ZSWIM5: variants seen among roughly 807,000 people sequenced by gnomAD.
ZSWIM5 encodes the protein zinc finger SWIM-type containing 5, also known as zinc finger SWIM domain-containing protein 5.
ZSWIM5 carries 55 observed loss-of-function variants against 119.6 expected under a neutral mutation model. The observed-to-expected ratio is 0.46, with a 90% CI of 0.37 to 0.58. ZSWIM5 has a LOEUF of 0.58. ZSWIM5 is among the 20% of genes least tolerant of loss of function. ZSWIM5 has a pLI of 0.00. For synonymous variants in ZSWIM5, 537 were observed against 606.9 expected, an observed-to-expected ratio of 0.88 and a Z score of 1.69; for missense variants, 1,193 against 1,512.8, an observed-to-expected ratio of 0.79 and a Z score of 3.51.
chr1:45,121,603 T>C (rs1313909411), intron 1 of ZSWIM5, among the ~76,000 whole-genome samples: 2 of 118,224 alleles, frequency 1.7e-5, no homozygotes, highest in Non-Finnish European at 3.5e-5. Flanking sequence ...TTTCTTCTTC[T>C]TTTTTTTTTT....
At chr1:45,205,055 GTGACCAGCTTTTGATTTACCCCAGTC>G (rs1017768167) in intron 1 of ZSWIM5, among the ~76,000 whole-genome samples, 3 of 151,354 alleles carry the variant, frequency 2.0e-5, no homozygotes, top group Non-Finnish European at 4.4e-5. Context: ...AAAACCCAGC[GTGACCAGCTTTTGATTTACCCCAGTC>G]TGACAAGGAA....
At position 45,174,263 on chromosome 1, in the gene ZSWIM5, G is replaced by A. The variant is rs763908277; in HGVS notation, c.595+31493C>T. 5.2e-4 allele frequency among the ~76,000 whole-genome samples: 79 copies of A among 151,912 alleles called. 1 individual carries two copies. Among genetic ancestry groups the A allele is most frequent in the Non-Finnish European group, 8.5e-4 (58 of 67,974 alleles). ...CATTCCAGCCTGGGTGAGAAAGCGA[G>A]ACCTTGTCTCAAAAAAACAAAACAA... On this transcript the variant is annotated intron_variant, in intron 1 of 13. Coordinates refer to ENST00000359600, the MANE Select transcript of ZSWIM5 (RefSeq NM_020883.2).
chr1:45,049,819 C>T (rs1286536165), intron 5 of ZSWIM5, among the ~76,000 whole-genome samples: 3 of 151,866 alleles, frequency 2.0e-5, no homozygotes, highest in Non-Finnish European at 2.9e-5. Context: ...TGTTTGTATG[C>T]ATTTGACCCT....
rs569991600 is a variant in ZSWIM5 at position 45,019,887 on chromosome 1, T to G, written c.2695+179A>C. The stretch of plus-strand genomic sequence containing the variant: ...TGGTTCAAGCAGTGAAGACAGGGCT[T>G]GGGCTGGCTGAACAGAGGCCACCTT... On this transcript the variant is annotated intron_variant, in intron 13 of 13. Coordinates refer to ENST00000359600, the MANE Select transcript of ZSWIM5 (RefSeq NM_020883.2). This position sits in a 1 kb window ranked among gnomAD's most constrained non-coding sequence, Gnocchi z 5.0. Among the ~76,000 whole-genome samples, 3 of 152,296 alleles carry G rather than the reference T, an allele frequency of 2.0e-5. No homozygotes were observed. The highest frequency in any genetic ancestry group is 2.0e-4 in the Admixed American group (3 of 15,302).
At chr1:45,182,500 A>G (rs1173846607) in intron 1 of ZSWIM5, among the ~76,000 whole-genome samples, 1 of 152,072 alleles carries the variant, frequency 6.6e-6, no homozygotes, top group African/African-American at 2.4e-5. Context: ...TATTCAGGAA[A>G]CCCATCTCAC....
chr1:45,107,214 C>T (rs1394891506), intron 1 of ZSWIM5, among the ~76,000 whole-genome samples: 1 of 149,944 alleles, frequency 6.7e-6, no homozygotes, highest in Non-Finnish European at 1.5e-5. Flanking sequence ...TCAATAAATA[C>T]TAAAAAAAAA....
At chr1:45,167,287 TG>T (rs1312619493) in intron 1 of ZSWIM5, among the ~76,000 whole-genome samples, 1 of 151,752 alleles carries the variant, frequency 6.6e-6, no homozygotes, top group African/African-American at 2.4e-5. Flanking sequence ...AAGCTGAAAC[TG>T]GATCCCTTCC....
chr1:45,184,127 A>G (rs1052037326), intron 1 of ZSWIM5, among the ~76,000 whole-genome samples: 12 of 152,222 alleles, frequency 7.9e-5, no homozygotes. Context: ...CCAGCATATA[A>G]ACAGAACCAA....
chr1:45,020,179 A>G, intron 12 of ZSWIM5, 32 bp from the exon 13 acceptor site: 1 of 1,592,462 alleles, frequency 6.3e-7, no homozygotes, highest in Non-Finnish European at 8.6e-7. Context: ...CCAGTGGGCT[A>G]TGCCTAACTG....
At chr1:45,027,934 C>G (rs1440202818) in intron 11 of ZSWIM5, among the ~76,000 whole-genome samples, 1 of 152,120 alleles carries the variant, frequency 6.6e-6, no homozygotes, top group Non-Finnish European at 1.5e-5. Context: ...TCACTGCAAC[C>G]TCTCCCTCCA....
intron 11 of ZSWIM5, among the ~76,000 whole-genome samples, chr1:45,025,333 G>T (rs1301531948): frequency 6.6e-6 from 1 of 152,196 alleles, no homozygotes; most frequent in Non-Finnish European, 1.5e-5. Context: ...AGTTTAGAAA[G>T]GGTTTGTTGA....
chr1:45,024,778 C>A (rs1569986060), intron 11 of ZSWIM5, among the ~76,000 whole-genome samples: 1 of 152,248 alleles, frequency 6.6e-6, no homozygotes, highest in Admixed American at 6.5e-5. Flanking sequence ...TCTCAGCCTC[C>A]TGAGTAGCTG....
intron 2 of ZSWIM5, among the ~76,000 whole-genome samples, chr1:45,064,272 T>C (rs976276824): frequency 2.0e-5 from 3 of 152,232 alleles, no homozygotes; most frequent in Non-Finnish European, 4.4e-5. Flanking sequence ...ATGTTCTTCA[T>C]AGCACTTTAT....
intron 6 of ZSWIM5, among the ~76,000 whole-genome samples, chr1:45,042,657 T>A (rs1051569879): frequency 6.6e-6 from 1 of 152,212 alleles, no homozygotes; most frequent in African/African-American, 2.4e-5. Context: ...TGGGTATCCT[T>A]TGATAAAGTC....
chr1:45,061,075 T>C (rs1349629216), intron 2 of ZSWIM5, among the ~76,000 whole-genome samples: 1 of 152,184 alleles, frequency 6.6e-6, no homozygotes, highest in Non-Finnish European at 1.5e-5. Context: ...CATATTGAGC[T>C]CACCTTGACA....
At chr1:45,172,216 C>T (rs1024593572) in intron 1 of ZSWIM5, among the ~76,000 whole-genome samples, 4 of 151,998 alleles carry the variant, frequency 2.6e-5, no homozygotes, top group African/African-American at 4.8e-5. Context: ...TTCTGGTTGG[C>T]GGCTTCCCTA....
intron 11 of ZSWIM5, among the ~76,000 whole-genome samples, chr1:45,025,202 C>G (rs888430359): frequency 6.6e-6 from 1 of 152,146 alleles, no homozygotes; most frequent in Non-Finnish European, 1.5e-5. Context: ...CTCAGTTTTT[C>G]AACAGTACCA....
At chr1:45,070,415 G>C (rs557478704) in intron 2 of ZSWIM5, 1 of 1,390,860 alleles carries the variant, frequency 7.2e-7, no homozygotes, top group East Asian at 2.3e-5. Context: ...ACGGGACATG[G>C]TACAAAGTCT....
intron 1 of ZSWIM5, among the ~76,000 whole-genome samples, chr1:45,155,137 C>T (rs1488257059): frequency 6.6e-6 from 1 of 152,028 alleles, no homozygotes; most frequent in Non-Finnish European, 1.5e-5. Flanking sequence ...ATCTATACAT[C>T]CGACAAAGGA....
Sources: allele counts gnomAD v4.1 joint callset (sites outside exome capture counted in the v4.1 genomes callset), GRCh38; gene constraint gnomAD v4.1.1; non-coding constraint Gnocchi (gnomAD v3.1); transcripts MANE v1.5; gene names NCBI Gene and HGNC (gene_info 2026-07-23, HGNC 2026-07-21).